Variants in PALM2AKAP2 observed in about 807,000 individuals in gnomAD.
The protein encoded by PALM2AKAP2 is PALM2-AKAP2 fusion protein.
A neutral mutation model predicts 71.5 loss-of-function variants in PALM2AKAP2; 37 were observed. That is an observed-to-expected ratio of 0.52 (90% CI 0.40 to 0.68). The LOEUF (loss-of-function observed/expected upper bound fraction) is 0.68, where lower values mean the gene tolerates loss of function less well. PALM2AKAP2 is among the 30% of genes least tolerant of loss of function. The pLI is 0.00. For missense variants in PALM2AKAP2, 1,224 were observed against 1,191.8 expected, an observed-to-expected ratio of 1.03 and a Z score of -0.40; for synonymous variants, 468 against 478.8, an observed-to-expected ratio of 0.98 and a Z score of 0.29.
chr9:109,873,395 C>T (rs1281844527), intron 2 of PALM2AKAP2, among the ~76,000 whole-genome samples: 3 of 151,756 alleles, frequency 2.0e-5, no homozygotes, highest in African/African-American at 7.3e-5. Flanking sequence ...AAGATCACAC[C>T]ACTACACTCC....
intron 3 of PALM2AKAP2, among the ~76,000 whole-genome samples, chr9:109,920,999 G>T (rs1215759361): frequency 6.6e-6 from 1 of 152,116 alleles, no homozygotes; most frequent in Non-Finnish European, 1.5e-5. Context: ...AATTTACACA[G>T]ATGTGTGTAG....
At chr9:109,667,520 T>C (rs1454543021) in intron 1 of PALM2AKAP2, among the ~76,000 whole-genome samples, 1 of 152,224 alleles carries the variant, frequency 6.6e-6, no homozygotes, top group Admixed American at 6.5e-5. Flanking sequence ...CTGGGCGTGG[T>C]GGCTCACGCC....
At chr9:110,033,876 G>A (rs1252683470) in intron 7 of PALM2AKAP2, among the ~76,000 whole-genome samples, 3 of 152,166 alleles carry the variant, frequency 2.0e-5, no homozygotes. Flanking sequence ...AATCTAAAAG[G>A]TGTATTCTGT....
chr9:109,848,079 G>A (rs1828912533), intron 1 of PALM2AKAP2, among the ~76,000 whole-genome samples: 1 of 152,232 alleles, frequency 6.6e-6, no homozygotes, highest in South Asian at 2.1e-4. Context: ...TTGAATAAAT[G>A]TGTTGGGTGG....
At chr9:110,146,000 G>A (rs997608673) in intron 2 of PALM2AKAP2, among the ~76,000 whole-genome samples, 6 of 141,934 alleles carry the variant, frequency 4.2e-5, no homozygotes, top group African/African-American at 1.6e-4. Flanking sequence ...CCAGGTTCAC[G>A]CCATTCTCCT....
intron 1 of PALM2AKAP2, among the ~76,000 whole-genome samples, chr9:109,696,159 G>A (rs1403081537): frequency 6.6e-6 from 1 of 151,692 alleles, no homozygotes; most frequent in Non-Finnish European, 1.5e-5. Flanking sequence ...CATATACATA[G>A]AAAAGTCACT....
chr9:109,884,925 A>G (rs371549898), intron 3 of PALM2AKAP2, among the ~76,000 whole-genome samples: 4 of 152,258 alleles, frequency 2.6e-5, no homozygotes, highest in African/African-American at 9.6e-5. Context: ...TGGGCCATTT[A>G]GTTTAGATAA....
chr9:109,655,395 A>G (rs1827288298), intron 1 of PALM2AKAP2, among the ~76,000 whole-genome samples: 1 of 152,096 alleles, frequency 6.6e-6, no homozygotes, highest in Non-Finnish European at 1.5e-5. Context: ...CAAAATATGG[A>G]TAAAGGGTCT....
chr9:110,078,337 C>G (rs1179879452), intron 1 of PALM2AKAP2, among the ~76,000 whole-genome samples: 1 of 152,178 alleles, frequency 6.6e-6, no homozygotes, highest in Non-Finnish European at 1.5e-5. Context: ...AACCTTGAGT[C>G]TGGCATGTAG....
chr9:109,725,061 A>G (rs992629482), intron 1 of PALM2AKAP2, among the ~76,000 whole-genome samples: 4 of 152,212 alleles, frequency 2.6e-5, no homozygotes, highest in African/African-American at 7.2e-5. Context: ...AATGGCCAAT[A>G]AACATATAAG....
upstream of PALM2AKAP2, chr9:109,780,329 G>T: frequency 1.4e-6 from 2 of 1,458,130 alleles, no homozygotes; most frequent in South Asian, 2.8e-5. Flanking sequence ...CCCGCCGTGC[G>T]CACAGCTCTG....
chr9:109,837,733 C>T (rs1011894735), intron 1 of PALM2AKAP2, among the ~76,000 whole-genome samples: 5 of 151,994 alleles, frequency 3.3e-5, no homozygotes, highest in African/African-American at 4.8e-5. Context: ...GCAATCCTAG[C>T]CTCTGATAAA....
chr9:109,768,041 G>GGTAGGTAGGAAGAAA (rs1564140567), intron 1 of PALM2AKAP2, among the ~76,000 whole-genome samples: 43 of 110,032 alleles, frequency 3.9e-4, no homozygotes, highest in East Asian at 1.5e-3. Context: ...AAGAAAAAGA[G>GGTAGGTAGGAAGAAA]GGAAGGAAGG....
exon 2 of PALM2AKAP2, chr9:110,136,546 T>C (rs769324792): frequency 1.2e-6 from 2 of 1,613,484 alleles, no homozygotes; most frequent in South Asian, 1.1e-5. Flanking sequence ...CAGAACCCAC[T>C]GAAAGAACAG....
chr9:109,925,615 T>A (rs1830940568), intron 5 of PALM2AKAP2, among the ~76,000 whole-genome samples: 1 of 151,996 alleles, frequency 6.6e-6, no homozygotes, highest in Admixed American at 6.6e-5. Context: ...CTTCCCTCCC[T>A]GTGTGGGATA....
chr9:110,170,823 A>C (rs922700143), exon 4 of PALM2AKAP2: 4 of 152,268 alleles, frequency 2.6e-5, no homozygotes, highest in African/African-American at 9.6e-5. Flanking sequence ...ATTTCTAGCC[A>C]GAGGTCCCAG....
At chr9:109,764,972 A>G (rs1168994432) in intron 1 of PALM2AKAP2, among the ~76,000 whole-genome samples, 2 of 152,238 alleles carry the variant, frequency 1.3e-5, no homozygotes, top group Non-Finnish European at 2.9e-5. Flanking sequence ...TTTGTCATAT[A>G]AATAATGAAC....
At chr9:109,663,896 G>C (rs896222031) in intron 1 of PALM2AKAP2, among the ~76,000 whole-genome samples, 2 of 152,194 alleles carry the variant, frequency 1.3e-5, no homozygotes, top group African/African-American at 4.8e-5. Flanking sequence ...ATCTATTTAG[G>C]ATAGTTAGGT....
At chr9:110,147,865 A>G (rs10980223) in intron 2 of PALM2AKAP2, among the ~76,000 whole-genome samples, 18,332 of 152,280 alleles carry the variant, frequency 0.12, 1,840 homozygotes, top group East Asian at 0.47. Context: ...CCGAACACAC[A>G]TGATAAAATT....
Sources: allele counts gnomAD v4.1 joint callset (sites outside exome capture counted in the v4.1 genomes callset), GRCh38; gene constraint gnomAD v4.1.1; transcripts MANE v1.5; gene names NCBI Gene and HGNC (gene_info 2026-07-23, HGNC 2026-07-21).